ANK3: variants seen among roughly 807,000 people sequenced by gnomAD.
ANK3 encodes ankyrin 3.
Under a neutral mutation model 370.9 loss-of-function variants are expected in ANK3, and 57 were observed. The observed-to-expected ratio is 0.15, with a 90% CI of 0.12 to 0.19. The LOEUF (loss-of-function observed/expected upper bound fraction) is 0.19, where lower values mean the gene tolerates loss of function less well. Ranked by LOEUF, ANK3 falls within the 10% of genes least tolerant of loss-of-function variation. The probability of loss-of-function intolerance (pLI) is 1.00; values close to 1 mark genes in which losing one functional copy is unlikely to be tolerated. For missense variants in ANK3, 4,439 were observed against 5,302.1 expected (o/e 0.84, Z 5.06); for synonymous variants, 1,929 against 1,946.3 (o/e 0.99, Z 0.23).
At chr10:60,245,549 C>G (rs2097540307) in intron 7 of ANK3, among the ~76,000 whole-genome samples, 1 of 152,174 alleles carries the variant, frequency 6.6e-6, no homozygotes, top group Non-Finnish European at 1.5e-5. Flanking sequence ...TACTTGTTGT[C>G]TCTATGGATT....
chr10:60,363,440 G>T (rs2132747872), intron 1 of ANK3, among the ~76,000 whole-genome samples: 1 of 152,288 alleles, frequency 6.6e-6, no homozygotes, highest in Non-Finnish European at 1.5e-5. Flanking sequence ...CTTGTATCTG[G>T]ATAGAGGCAA....
At chr10:60,421,464 G>A (rs534570231) in intron 2 of ANK3, among the ~76,000 whole-genome samples, 2 of 151,884 alleles carry the variant, frequency 1.3e-5, no homozygotes, top group Admixed American at 6.6e-5. Flanking sequence ...GTGGGGAGGG[G>A]GCAGTTGCAC....
intron 17 of ANK3, among the ~76,000 whole-genome samples, chr10:60,183,293 GT>G (rs1591401055): frequency 6.6e-6 from 1 of 152,264 alleles, no homozygotes; most frequent in East Asian, 1.9e-4. Context: ...CTGTGAGCTT[GT>G]TGAGGCAAGT....
intron 25 of ANK3, among the ~76,000 whole-genome samples, chr10:60,118,161 T>G (rs1590244105): frequency 6.6e-6 from 1 of 152,350 alleles, no homozygotes; most frequent in East Asian, 1.9e-4. Flanking sequence ...TATATGGGGA[T>G]TATGTTTTTT....
chr10:60,124,608 A>G (rs1052472145), intron 25 of ANK3, among the ~76,000 whole-genome samples: 5 of 152,246 alleles, frequency 3.3e-5, no homozygotes, highest in African/African-American at 1.2e-4. Context: ...CTGCTGGATT[A>G]ACAGAAATAA....
intron 2 of ANK3, among the ~76,000 whole-genome samples, chr10:60,566,769 G>A (rs1168008286): frequency 6.6e-6 from 1 of 152,180 alleles, no homozygotes; most frequent in African/African-American, 2.4e-5. Context: ...CCAGCTACTT[G>A]GAAGACTGAA....
At chr10:60,137,374 G>GGAAAAAA (rs2094393355) in intron 24 of ANK3, 1 of 157,568 alleles carries the variant, frequency 6.3e-6, no homozygotes, top group Non-Finnish European at 1.2e-5. Flanking sequence ...GTAATTTTAG[G>GGAAAAAA]AAAAAAAAAA....
At chr10:60,583,671 C>T (rs1331183526) in intron 2 of ANK3, among the ~76,000 whole-genome samples, 1 of 151,862 alleles carries the variant, frequency 6.6e-6, no homozygotes, top group East Asian at 1.9e-4. Flanking sequence ...GCAACCTCCG[C>T]CTCCGGGTTC....
At chr10:60,272,449 G>GTTT (rs1377780414) in intron 4 of ANK3, among the ~76,000 whole-genome samples, 7 of 142,954 alleles carry the variant, frequency 4.9e-5, no homozygotes, top group African/African-American at 1.3e-4. Flanking sequence ...ATTTTTAGAA[G>GTTT]TTTTTTGTTG....
intron 1 of ANK3, among the ~76,000 whole-genome samples, chr10:60,708,746 A>G (rs746661028): frequency 1.1e-4 from 17 of 152,180 alleles, no homozygotes; most frequent in Non-Finnish European, 2.4e-4. Flanking sequence ...AAGGCTGAGA[A>G]GCACTTGTGA....
intron 38 of ANK3, among the ~76,000 whole-genome samples, chr10:60,066,433 A>T (rs1352649542): frequency 6.6e-6 from 1 of 152,204 alleles, no homozygotes; most frequent in Non-Finnish European, 1.5e-5. Context: ...ATTAGTAAAT[A>T]TGTATACATA....
intron 26 of ANK3, among the ~76,000 whole-genome samples, chr10:60,110,963 G>C (rs1220811815): frequency 6.6e-6 from 1 of 152,006 alleles, no homozygotes; most frequent in Non-Finnish European, 1.5e-5. Context: ...ATTCTGATTG[G>C]GTCTGTCTTG....
At chr10:60,516,263 A>G (rs1183394063) in intron 2 of ANK3, among the ~76,000 whole-genome samples, 5 of 152,130 alleles carry the variant, frequency 3.3e-5, no homozygotes, top group African/African-American at 4.8e-5. Flanking sequence ...CAAAAAGAGA[A>G]AAAGGTATCA....
At chr10:60,539,360 A>T (rs1014386039) in intron 2 of ANK3, among the ~76,000 whole-genome samples, 4 of 151,950 alleles carry the variant, frequency 2.6e-5, no homozygotes, top group African/African-American at 9.7e-5. Flanking sequence ...AGTTGGAACT[A>T]AAAGTTCCTT....
intron 7 of ANK3, among the ~76,000 whole-genome samples, chr10:60,258,566 T>C (rs1448132275): frequency 1.3e-5 from 2 of 152,194 alleles, no homozygotes; most frequent in African/African-American, 4.8e-5. Context: ...CAGAAAGCAA[T>C]TCCTTCTATT....
rs189068121 is a variant in ANK3, at chr10:60,173,893, A to G, written c.2185-707T>C. Among the ~76,000 whole-genome samples the G allele has an allele frequency of 5.7e-3, 864 of 152,280 alleles. 5 individuals carry two copies. Among genetic ancestry groups the G allele is most frequent in the Non-Finnish European group, 9.0e-3 (610 of 68,020 alleles). Reference sequence around the variant, plus strand: ...TGTATATGTGTGTGTATGTATGTGTATACAATCTAGATAATTATTTTCTTT... The same window carrying G: ...TGTATATGTGTGTGTATGTATGTGTGTACAATCTAGATAATTATTTTCTTT... On this transcript the variant is annotated intron_variant, in intron 18 of 43. Transcript: ENST00000280772.
At chr10:60,597,985 A>G (rs1208034274) in intron 2 of ANK3, among the ~76,000 whole-genome samples, 1 of 152,186 alleles carries the variant, frequency 6.6e-6, no homozygotes, top group Non-Finnish European at 1.5e-5. Flanking sequence ...ACTTTCGGTA[A>G]GGTGATGCTA....
chr10:60,385,996 T>C (rs2062230330), intron 1 of ANK3, among the ~76,000 whole-genome samples: 1 of 152,152 alleles, frequency 6.6e-6, no homozygotes, highest in African/African-American at 2.4e-5. Flanking sequence ...CGACAGTCAA[T>C]GTGCTAGGAC....
chr10:60,607,476 G>A (rs1250595897), intron 2 of ANK3, among the ~76,000 whole-genome samples: 1 of 152,100 alleles, frequency 6.6e-6, no homozygotes, highest in African/African-American at 2.4e-5. Flanking sequence ...ATTGCAAAAG[G>A]CTGCCTATCG....
Sources: gnomAD v4.1 joint callset for allele counts (sites outside exome capture counted in the v4.1 genomes callset) on GRCh38, gnomAD v4.1.1 for gene constraint, MANE v1.5 for transcripts, NCBI Gene and HGNC (gene_info 2026-07-23, HGNC 2026-07-21) for gene names.